Variants in SYNJ2 observed in about 807,000 individuals in gnomAD.
SYNJ2 encodes synaptojanin 2, also known as polyphosphatidylinositol phosphatase SYNJ2.
SYNJ2 carries 116 observed loss-of-function variants against 141.3 expected under a neutral mutation model. That is an observed-to-expected ratio of 0.82 (90% CI 0.71 to 0.96). SYNJ2 has a LOEUF of 0.96. SYNJ2 is among the 40% of genes least tolerant of loss of function. SYNJ2 has a pLI of 0.00. For synonymous variants in SYNJ2, 745 were observed against 777.7 expected (o/e 0.96, Z 0.70); for missense variants, 1,873 against 1,934.8 (o/e 0.97, Z 0.60).
Position 158,074,493 on chromosome 6 carries a change from T to G in SYNJ2, c.2134-87T>G, listed in dbSNP as rs1260096644. On this transcript the variant is annotated intron_variant, in intron 15 of 26. Transcript: ENST00000355585. Reference sequence around the variant, plus strand: ...AGTAGCATTTTGAGAAAAATACTCCTGCTTGCCCCAGTGAGCTTGTTTTTC... The same window carrying G: ...AGTAGCATTTTGAGAAAAATACTCCGGCTTGCCCCAGTGAGCTTGTTTTTC... 2.1e-6 allele frequency: 3 copies of G among 1,417,416 alleles called. No homozygotes were observed. In the African/African-American group the frequency reaches 4.3e-5, roughly 20 times the overall value. The allele number at this position is 1,417,416 out of a possible 1,614,324, so 87.8% of individuals were successfully genotyped here.
At position 158,027,298 on chromosome 6, in the gene SYNJ2, C is replaced by A. The variant is rs1462566657; in HGVS notation, c.215-1458C>A. On this transcript the variant is annotated intron_variant, in intron 2 of 26. Coordinates refer to ENST00000355585, the MANE Select transcript of SYNJ2 (RefSeq NM_003898.4). This position sits in a 1 kb window ranked among gnomAD's most constrained non-coding sequence, Gnocchi z 4.6. ...CCTTGATCATTCACAGAAGATCTCG[C>A]TGGGCGGATCCTTCAGACCTCAGCG... The A allele has an allele frequency of 1.3e-6, 1 of 754,470 alleles. No homozygotes were observed. Among genetic ancestry groups the A allele is most frequent in the Non-Finnish European group, 1.6e-6 (1 of 619,198 alleles). 46.7% of individuals were successfully genotyped at this position (754,470 alleles called of 1,614,324 possible).
chr6:158,040,070 A>C lies in SYNJ2; in HGVS notation c.712-3246A>C, dbSNP rs1301290947. Among the ~76,000 whole-genome samples the C allele has an allele frequency of 6.6e-6, 1 of 152,226 alleles. No individual in the cohort carries two copies. Among genetic ancestry groups the C allele is most frequent in the Non-Finnish European group, 1.5e-5 (1 of 68,038 alleles). ...TAGGAATTAATTCTCAGGAAGCCAGAAAAGGGGGACCCTGTGGCACCCTCT... is the reference window on the plus strand; with the variant it reads ...TAGGAATTAATTCTCAGGAAGCCAGCAAAGGGGGACCCTGTGGCACCCTCT... On this transcript the variant is annotated intron_variant, in intron 4 of 26. Transcript: ENST00000355585. This position sits in a 1 kb window ranked among gnomAD's most constrained non-coding sequence, Gnocchi z 4.2.
intron 26 of SYNJ2, among the ~76,000 whole-genome samples, chr6:158,093,694 A>G (rs1482786174): frequency 2.0e-5 from 3 of 152,122 alleles, no homozygotes; most frequent in Admixed American, 6.5e-5. Flanking sequence ...TGAGTCCCCA[A>G]AGGGAACCAT....
intron 1 of SYNJ2, among the ~76,000 whole-genome samples, chr6:158,014,351 G>A (rs1778371465): frequency 6.6e-6 from 1 of 152,222 alleles, no homozygotes. Flanking sequence ...TGTTTATTCA[G>A]TAAGGTGTCT....
At position 158,028,933 on chromosome 6, in the gene SYNJ2, T is replaced by C; in HGVS notation, c.392T>C (p.Phe131Ser). The C allele has an allele frequency of 6.2e-7, 1 of 1,614,122 alleles. No individual in the cohort carries two copies. Among genetic ancestry groups the C allele is most frequent in the Non-Finnish European group, 8.5e-7 (1 of 1,180,028 alleles). The change falls in exon 3 of 27, where the codon TTC becomes TCC. Residue 131 changes from phenylalanine (F) to serine (S), a missense_variant. Transcript: ENST00000355585. ...ATCCTCAGCTCGGGGGTGTTCTATT[T>C]CTCATGGCCAAACGATGGGTCTCGC... ...KKILSSGVFYFSWPNDGSRFD... is the reference protein window; with the variant it reads ...KKILSSGVFYSSWPNDGSRFD...
chr6:158,080,506 C>G (rs2128387523), intron 18 of SYNJ2, among the ~76,000 whole-genome samples: 1 of 149,782 alleles, frequency 6.7e-6, no homozygotes, highest in East Asian at 1.9e-4. Flanking sequence ...ACGAGCATTT[C>G]CCTTTTTTTT....
Position 158,043,793 on chromosome 6 carries a change from G to T in SYNJ2, c.795+394G>T, listed in dbSNP as rs1374179275. Among the ~76,000 whole-genome samples the T allele has an allele frequency of 6.6e-6, 1 of 152,162 alleles. No individual in the cohort carries two copies. Among genetic ancestry groups the T allele is most frequent in the Non-Finnish European group, 1.5e-5 (1 of 68,028 alleles). On this transcript the variant is annotated intron_variant, in intron 5 of 26. Transcript: ENST00000355585. This position sits in a 1 kb window ranked among gnomAD's most constrained non-coding sequence, Gnocchi z 4.0. The stretch of plus-strand genomic sequence containing the variant: ...GACTCTCATGGAGGGCTTCAGGAAG[G>T]CTCTGTGGCTGCGTAGGTCTGGCAC...
At chr6:158,091,055 C>T (rs350299) in intron 25 of SYNJ2, among the ~76,000 whole-genome samples, 68 of 151,914 alleles carry the variant, frequency 4.5e-4, no homozygotes, top group African/African-American at 1.2e-3. Context: ...CGGTGGCTCA[C>T]GCCTGTAATC....
intron 8 of SYNJ2, 117 bp from the exon 9 acceptor site, chr6:158,063,674 A>AC: frequency 4.9e-6 from 3 of 617,898 alleles, no homozygotes; most frequent in South Asian, 2.0e-5. Flanking sequence ...AAAAAAAAAA[A>AC]AAAAAAAAAA....
intron 4 of SYNJ2, among the ~76,000 whole-genome samples, chr6:158,041,851 G>A (rs1779965416): frequency 6.6e-6 from 1 of 152,174 alleles, no homozygotes; most frequent in Non-Finnish European, 1.5e-5. Flanking sequence ...TGGGACTACA[G>A]GCATACGCCA....
chr6:158,086,330 A>G (rs537202047), intron 22 of SYNJ2, among the ~76,000 whole-genome samples: 1 of 152,212 alleles, frequency 6.6e-6, no homozygotes, highest in South Asian at 2.1e-4. Context: ...GCAGGTCAAG[A>G]TGGCAGACCC....
chr6:158,081,696 G>A (rs755703274), intron 20 of SYNJ2, among the ~76,000 whole-genome samples, 186 bp downstream of exon 20: 6 of 131,786 alleles, frequency 4.6e-5, no homozygotes, highest in Non-Finnish European at 6.2e-5. Context: ...ATCACAGCTC[G>A]CTGCAGCCTT....
At chr6:158,016,270 C>G (rs1231553393) in intron 1 of SYNJ2, among the ~76,000 whole-genome samples, 1 of 152,126 alleles carries the variant, frequency 6.6e-6, no homozygotes, top group Non-Finnish European at 1.5e-5. Context: ...TGTGCCACCA[C>G]GCCCAGCTAA....
chr6:158,013,072 A>G (rs957419267), intron 1 of SYNJ2, among the ~76,000 whole-genome samples: 1 of 152,224 alleles, frequency 6.6e-6, no homozygotes, highest in Non-Finnish European at 1.5e-5. Flanking sequence ...CCCCATAAAA[A>G]TACATATCAA....
chr6:158,058,462 G>A (rs1038803692), intron 6 of SYNJ2, among the ~76,000 whole-genome samples: 1 of 152,182 alleles, frequency 6.6e-6, no homozygotes, highest in Non-Finnish European at 1.5e-5. Context: ...GTTTTCCAAA[G>A]CCTGCAAGTT....
chr6:157,986,731 CT>C (rs1292825583), intron 1 of SYNJ2, among the ~76,000 whole-genome samples: 3 of 152,188 alleles, frequency 2.0e-5, no homozygotes, highest in Admixed American at 6.5e-5. Context: ...GGCTTTTAGC[CT>C]TTAATTGTGA....
Position 158,095,956 on chromosome 6 carries a change from C to G in SYNJ2, c.4083C>G (p.Tyr1361Ter). Residue 1361 changes from tyrosine (Y) to a stop codon, truncating the protein, a stop_gained, in exon 27 of 27, where the codon TAC (tyrosine) becomes TAG (stop). Coordinates refer to ENST00000355585, the MANE Select transcript of SYNJ2 (RefSeq NM_003898.4). LOFTEE classifies it low-confidence loss of function (END_TRUNC). Reference sequence around the variant, plus strand: ...GCCAGCTTCTCCAGGGCCTCACTTACAATAGCAGTGACAGCCCCTCTGGGC... The same window carrying G: ...GCCAGCTTCTCCAGGGCCTCACTTAGAATAGCAGTGACAGCCCCTCTGGGC... ...SNSQLLQGLT[Y>*]NSSDSPSGHP... The G allele has an allele frequency of 2.5e-6, 4 of 1,614,196 alleles. No individual in the cohort carries two copies. The highest frequency in any genetic ancestry group is 3.4e-6 in the Non-Finnish European group (4 of 1,180,034).
chr6:157,992,509 G>A (rs2128315964), intron 1 of SYNJ2, among the ~76,000 whole-genome samples: 1 of 149,034 alleles, frequency 6.7e-6, no homozygotes, highest in African/African-American at 2.5e-5. Flanking sequence ...TCCGCCTTCT[G>A]GGTTCAACCT....
intron 4 of SYNJ2, among the ~76,000 whole-genome samples, chr6:158,035,718 G>A (rs781143644): frequency 2.0e-5 from 3 of 152,096 alleles, no homozygotes; most frequent in African/African-American, 7.2e-5. Flanking sequence ...ATGAGAGAGG[G>A]CATCCTTGTC....
Sources: allele counts gnomAD v4.1 joint callset (sites outside exome capture counted in the v4.1 genomes callset), GRCh38; gene constraint gnomAD v4.1.1; non-coding constraint Gnocchi (gnomAD v3.1); transcripts MANE v1.5; gene names NCBI Gene and HGNC (gene_info 2026-07-23, HGNC 2026-07-21).